VGLL4: variants seen among roughly 807,000 people sequenced by gnomAD.
VGLL4 encodes the protein transcription cofactor vestigial-like protein 4.
In VGLL4, 7 loss-of-function variants were observed where a neutral mutation model predicts 21.0. The observed-to-expected ratio is 0.33, with a 90% confidence interval of 0.19 to 0.63. VGLL4 has a LOEUF of 0.63. VGLL4 is among the 20% of genes least tolerant of loss of function. The pLI is 0.78. For missense variants in VGLL4, 394 were observed against 425.7 expected (o/e 0.93, Z 0.66); for synonymous variants, 222 against 173.2 (o/e 1.28, Z -2.21).
Position 11,565,164 on chromosome 3 carries a change from T to G in VGLL4, c.273-145A>C, listed in dbSNP as rs928973361. 1.2e-6 allele frequency: 1 copy of G among 847,660 alleles called. No homozygotes were observed. Among genetic ancestry groups the G allele is most frequent in the Non-Finnish European group, 1.6e-6 (1 of 610,758 alleles). 52.5% of individuals were successfully genotyped at this position (847,660 alleles called of 1,614,324 possible). ...GCTGGGCAGCACGATGAGGAGCCGG[T>G]TGCCAGCCCGGGTCAGCCGGACACC... is the stretch of plus-strand genomic sequence containing the variant. On this transcript the variant is annotated intron_variant, in intron 2 of 4. Transcript: ENST00000430365. The surrounding 1 kb of genome is among the most constrained non-coding windows in gnomAD (Gnocchi z 4.1).
At position 11,558,306 on chromosome 3, in the gene VGLL4, G is replaced by T; in HGVS notation, c.*250C>A. On this transcript the variant is annotated 3_prime_UTR_variant, in exon 5 of 5. Transcript: ENST00000430365. ...AGAGGTTTCTTTGGTAACTGAGGCAGGAAGTAAGGATGCTACATTAGACAG... is the reference window on the plus strand; with the variant it reads ...AGAGGTTTCTTTGGTAACTGAGGCATGAAGTAAGGATGCTACATTAGACAG... 1 of 601,818 alleles carries T rather than the reference G, an allele frequency of 1.7e-6. No homozygotes were observed. The allele number at this position is 601,818 out of a possible 1,614,324, so 37.3% of individuals were successfully genotyped here.
At chr3:11,695,014 A>G (rs114160754) in intron 2 of VGLL4, among the ~76,000 whole-genome samples, 4,622 of 151,830 alleles carry the variant, frequency 0.03, 237 homozygotes, top group East Asian at 0.18. Flanking sequence ...CATAATAAAG[A>G]TAATCATATT....
chr3:11,689,469 C>T (rs1384455150), intron 2 of VGLL4, among the ~76,000 whole-genome samples: 2 of 152,196 alleles, frequency 1.3e-5, no homozygotes, highest in African/African-American at 4.8e-5. Flanking sequence ...TTTTAATGTC[C>T]ATGAACTTTC....
Position 11,630,780 on chromosome 3 carries a change from A to G in VGLL4, c.82+12657T>C, listed in dbSNP as rs1043550858. On this transcript the variant is annotated intron_variant, in intron 1 of 4. Coordinates refer to ENST00000430365, the MANE Select transcript of VGLL4 (RefSeq NM_001128219.3). ...TTGCTTAAAAAGTTAAACGTACCCA[A>G]TAATCCGGCAATTCTACTAAGTATT... is the stretch of plus-strand genomic sequence containing the variant. Among the ~76,000 whole-genome samples, 6 of 152,378 alleles carry G rather than the reference A, an allele frequency of 3.9e-5. 1 individual carries two copies. Among genetic ancestry groups the G allele is most frequent in the Admixed American group, 1.3e-4 (2 of 15,306 alleles).
chr3:11,626,291 A>AC (rs1559908162), intron 1 of VGLL4: 1 of 448,310 alleles, frequency 2.2e-6, no homozygotes, highest in Admixed American at 2.5e-5. Context: ...CAAAGACACA[A>AC]CCTTTCCAAA....
chr3:11,665,593 G>A (rs1278069306), intron 2 of VGLL4, among the ~76,000 whole-genome samples: 1 of 152,216 alleles, frequency 6.6e-6, no homozygotes, highest in Non-Finnish European at 1.5e-5. Flanking sequence ...ATCCAGCATT[G>A]CTCCCTGCAA....
Position 11,558,843 on chromosome 3 carries a change from AAGGC to A in VGLL4, c.620-20_620-17del. 6.2e-7 allele frequency: 1 copy of A among 1,608,398 alleles called. No homozygotes were observed. Among genetic ancestry groups the A allele is most frequent in the Non-Finnish European group, 8.5e-7 (1 of 1,176,574 alleles). Reference sequence around the variant, plus strand: ...GTGGTGGCAGCTGCAGGCAAGCAGGAAGGCAGGCAGTCAGACACAGGTGGCTGCA... The same window carrying A: ...GTGGTGGCAGCTGCAGGCAAGCAGGAAGGCAGTCAGACACAGGTGGCTGCA... On this transcript the variant is annotated splice_polypyrimidine_tract_variant and intron_variant, in intron 4 of 4. Coordinates refer to ENST00000430365, the MANE Select transcript of VGLL4 (RefSeq NM_001128219.3).
chr3:11,619,082 T>C (rs2075216693), intron 1 of VGLL4, among the ~76,000 whole-genome samples: 1 of 152,226 alleles, frequency 6.6e-6, no homozygotes, highest in South Asian at 2.1e-4. Flanking sequence ...AAGTGACTTA[T>C]TATGAAGCCA....
intron 2 of VGLL4, among the ~76,000 whole-genome samples, chr3:11,661,289 G>A (rs138971075): frequency 1.3e-5 from 2 of 152,220 alleles, no homozygotes; most frequent in African/African-American, 2.4e-5. Flanking sequence ...GTCATCATGA[G>A]AAAGGCTCCA....
At chr3:11,589,330 A>G (rs1364954308) in intron 2 of VGLL4, among the ~76,000 whole-genome samples, 2 of 152,066 alleles carry the variant, frequency 1.3e-5, no homozygotes, top group Non-Finnish European at 2.9e-5. Flanking sequence ...TCAAAGGAGG[A>G]CAGAACCTCA....
upstream of VGLL4, chr3:11,721,154 A>G (rs1002526506): frequency 3.3e-5 from 5 of 152,342 alleles, no homozygotes; most frequent in South Asian, 4.1e-4. Context: ...CTCTGCTGAA[A>G]GGGAATGATA....
intron 2 of VGLL4, among the ~76,000 whole-genome samples, chr3:11,687,828 T>A (rs984024422): frequency 3.3e-5 from 5 of 152,210 alleles, no homozygotes; most frequent in African/African-American, 1.2e-4. Context: ...ATCCCTTTTT[T>A]AAGAAAAATC....
intron 1 of VGLL4, among the ~76,000 whole-genome samples, chr3:11,621,565 C>A (rs2075267499): frequency 6.6e-6 from 1 of 152,178 alleles, no homozygotes; most frequent in Non-Finnish European, 1.5e-5. Context: ...TTTATCCATT[C>A]ATCAGCTGAT....
intron 2 of VGLL4, among the ~76,000 whole-genome samples, chr3:11,670,067 A>C (rs1376115064): frequency 6.6e-6 from 1 of 152,042 alleles, no homozygotes; most frequent in Non-Finnish European, 1.5e-5. Flanking sequence ...TGTTTTCAAG[A>C]ATGCATTATG....
intron 2 of VGLL4, among the ~76,000 whole-genome samples, chr3:11,667,262 T>C (rs1284313045): frequency 6.6e-6 from 1 of 152,234 alleles, no homozygotes; most frequent in African/African-American, 2.4e-5. Flanking sequence ...GAGTGACAGG[T>C]TACAGAGCTT....
At chr3:11,698,283 T>C (rs755765301) in intron 2 of VGLL4, among the ~76,000 whole-genome samples, 4 of 151,876 alleles carry the variant, frequency 2.6e-5, no homozygotes, top group Non-Finnish European at 5.9e-5. Context: ...CCAAGGCGGG[T>C]GGATTGCCTG....
intron 2 of VGLL4, among the ~76,000 whole-genome samples, chr3:11,657,183 G>A (rs2075970621): frequency 6.6e-6 from 1 of 152,142 alleles, no homozygotes; most frequent in Admixed American, 6.5e-5. Flanking sequence ...CATCTCGGCA[G>A]CCTCTGTGTT....
intron 1 of VGLL4, among the ~76,000 whole-genome samples, chr3:11,705,045 A>T (rs2076739138): frequency 6.6e-6 from 1 of 152,232 alleles, no homozygotes; most frequent in African/African-American, 2.4e-5. Flanking sequence ...GGGGACAGAA[A>T]GTAAGCGACA....
At chr3:11,700,401 A>C (rs2076664088) in intron 2 of VGLL4, among the ~76,000 whole-genome samples, 1 of 152,164 alleles carries the variant, frequency 6.6e-6, no homozygotes, top group Non-Finnish European at 1.5e-5. Flanking sequence ...TTCTAAACTG[A>C]CTATATTGGC....
Sources: gnomAD v4.1 joint callset for allele counts (sites outside exome capture counted in the v4.1 genomes callset) on GRCh38, gnomAD v4.1.1 for gene constraint, Gnocchi (gnomAD v3.1) non-coding constraint, MANE v1.5 for transcripts, NCBI Gene and HGNC (gene_info 2026-07-23, HGNC 2026-07-21) for gene names.